The following SH3KBP1 variants were observed in gnomAD, a reference collection of about 807,000 sequenced individuals.
SH3KBP1 encodes SH3 domain-containing kinase-binding protein 1.
SH3KBP1 carries 8 observed loss-of-function variants against 50.1 expected under a neutral mutation model. That is an observed-to-expected ratio of 0.16 (90% CI 0.09 to 0.29). SH3KBP1 has a LOEUF of 0.29. Among genes scored for constraint, SH3KBP1 ranks in the 10% least tolerant of loss-of-function variants. SH3KBP1 has a pLI of 1.00. For synonymous variants in SH3KBP1, 227 were observed against 218.6 expected (o/e 1.04, Z -0.34); for missense variants, 377 against 535.2 (o/e 0.70, Z 2.92).
intron 7 of SH3KBP1, among the ~76,000 whole-genome samples, chrX:19,635,295 C>T (rs1422865523): frequency 9.0e-6 from 1 of 110,681 alleles, no homozygotes; most frequent in Non-Finnish European, 1.9e-5. Context: ...TGGAAGCCAT[C>T]ATCCTCAGCA....
chrX:19,773,483 TCACA>T (rs1255632137), intron 2 of SH3KBP1, among the ~76,000 whole-genome samples: 1 of 94,632 alleles, frequency 1.1e-5, no homozygotes, highest in Non-Finnish European at 2.0e-5. Flanking sequence ...TCTCTCTCTC[TCACA>T]CACACAAACA....
At chrX:19,834,787 T>C (rs912016492) in intron 2 of SH3KBP1, among the ~76,000 whole-genome samples, 8 of 111,132 alleles carry the variant, frequency 7.2e-5, no homozygotes, top group African/African-American at 2.6e-4. Context: ...CCCAGCACTT[T>C]GGGAGGCTGA....
intron 2 of SH3KBP1, among the ~76,000 whole-genome samples, chrX:19,806,869 TC>T (rs769852990): frequency 8.9e-6 from 1 of 112,206 alleles, no homozygotes; most frequent in Non-Finnish European, 1.9e-5. Context: ...TTTTCGGTTT[TC>T]TTTTTCATCA....
chrX:19,581,477 C>T (rs755966087), intron 12 of SH3KBP1, among the ~76,000 whole-genome samples: 1 of 111,921 alleles, frequency 8.9e-6, no homozygotes, highest in Non-Finnish European at 1.9e-5. Context: ...CTAGCTTTCT[C>T]GTCCTCTTTT....
intron 6 of SH3KBP1, among the ~76,000 whole-genome samples, chrX:19,675,096 A>C (rs1358985971): frequency 1.8e-5 from 2 of 110,245 alleles, no homozygotes; most frequent in African/African-American, 6.6e-5. Flanking sequence ...TAAATAAATA[A>C]ATAAATAAAT....
chrX:19,556,828 A>C (rs1181537765), intron 13 of SH3KBP1, among the ~76,000 whole-genome samples: 3 of 109,369 alleles, frequency 2.7e-5, no homozygotes, highest in African/African-American at 1.0e-4. Context: ...ACACCCAGTT[A>C]TTTTTTGTTT....
intron 7 of SH3KBP1, among the ~76,000 whole-genome samples, chrX:19,635,760 G>A (rs985753889): frequency 9.0e-6 from 1 of 110,735 alleles, no homozygotes; most frequent in African/African-American, 3.3e-5. Context: ...ATACAAGTAA[G>A]CCCAACCACC....
intron 4 of SH3KBP1, among the ~76,000 whole-genome samples, chrX:19,696,430 T>C (rs2063416482): frequency 9.0e-6 from 1 of 111,289 alleles, no homozygotes; most frequent in Admixed American, 9.6e-5. Context: ...AATCAGAAAG[T>C]GTAAGAGCTT....
chrX:19,695,019 G>T (rs1232861160), intron 5 of SH3KBP1: 1 of 1,200,291 alleles, frequency 8.3e-7, no homozygotes, highest in Non-Finnish European at 1.1e-6. Context: ...GCTGGAAAGG[G>T]CAGCAGAGAA....
intron 6 of SH3KBP1, among the ~76,000 whole-genome samples, chrX:19,679,368 A>G (rs1176192056): frequency 9.0e-6 from 1 of 111,714 alleles, no homozygotes; most frequent in Non-Finnish European, 1.9e-5. Flanking sequence ...AAGTATTTTC[A>G]GGTATATATT....
chrX:19,722,227 T>C (rs1198252855), intron 3 of SH3KBP1, among the ~76,000 whole-genome samples: 1 of 111,359 alleles, frequency 9.0e-6, no homozygotes, highest in African/African-American at 3.3e-5. Flanking sequence ...TGCCCTCTTA[T>C]TACTTGGGTC....
At chrX:19,718,879 C>T (rs2063982559) in intron 3 of SH3KBP1, among the ~76,000 whole-genome samples, 1 of 110,864 alleles carries the variant, frequency 9.0e-6, no homozygotes, top group Non-Finnish European at 1.9e-5. Flanking sequence ...GAGGCCCATA[C>T]TATTCCATCA....
At chrX:19,568,378 ATAGCC>A (rs1341951026) in intron 13 of SH3KBP1, among the ~76,000 whole-genome samples, 3 of 112,275 alleles carry the variant, frequency 2.7e-5, no homozygotes, top group African/African-American at 9.7e-5. Flanking sequence ...AAGAAATGTG[ATAGCC>A]TGTTGCTAAA....
chrX:19,729,504 G>C (rs2064312355), intron 3 of SH3KBP1, among the ~76,000 whole-genome samples: 1 of 112,498 alleles, frequency 8.9e-6, no homozygotes. Flanking sequence ...TCAGCAGGAA[G>C]TGAGAAAAGT....
chrX:19,710,452 C>T (rs76583850), intron 3 of SH3KBP1, among the ~76,000 whole-genome samples: 2 of 111,977 alleles, frequency 1.8e-5, no homozygotes, highest in South Asian at 3.7e-4. Context: ...TCATTCACCT[C>T]GCTGCATTAC....
At chrX:19,754,659 C>T (rs778319449) in intron 2 of SH3KBP1, among the ~76,000 whole-genome samples, 20 of 111,239 alleles carry the variant, frequency 1.8e-4, no homozygotes, top group Non-Finnish European at 2.6e-4. Context: ...AGTAAAGACC[C>T]AGTTTCACCA....
chrX:19,796,098 T>C (rs2066705342), intron 2 of SH3KBP1, among the ~76,000 whole-genome samples: 1 of 112,021 alleles, frequency 8.9e-6, no homozygotes, highest in Non-Finnish European at 1.9e-5. Flanking sequence ...TGAAGGCAGC[T>C]ACTGTTTCAG....
chrX:19,722,706 C>A, intron 3 of SH3KBP1, among the ~76,000 whole-genome samples: 1 of 108,461 alleles, frequency 9.2e-6, no homozygotes, highest in East Asian at 2.9e-4. Flanking sequence ...ACAGGATCTG[C>A]CTGGAGGGAT....
At chrX:19,689,326 G>A (rs1257291814) in intron 5 of SH3KBP1, among the ~76,000 whole-genome samples, 1 of 112,059 alleles carries the variant, frequency 8.9e-6, no homozygotes, top group Non-Finnish European at 1.9e-5. Flanking sequence ...CAGCTGTTTT[G>A]TGAGCTAGGC....
Sources: allele counts gnomAD v4.1 joint callset (sites outside exome capture counted in the v4.1 genomes callset), GRCh38; gene constraint gnomAD v4.1.1; transcripts MANE v1.5; gene names NCBI Gene and HGNC (gene_info 2026-07-23, HGNC 2026-07-21).